Variants in TESK2 observed in about 807,000 individuals in gnomAD.
TESK2 encodes the protein dual specificity testis-specific protein kinase 2.
Under a neutral mutation model 57.1 loss-of-function variants are expected in TESK2, and 39 were observed. That is an observed-to-expected ratio of 0.68 (90% CI 0.53 to 0.89). The LOEUF (loss-of-function observed/expected upper bound fraction) is 0.89. Ranked by LOEUF, TESK2 falls within the 40% of genes least tolerant of loss-of-function variation. The pLI, the probability that TESK2 is intolerant of heterozygous loss-of-function variation, is 0.00. For synonymous variants in TESK2, 249 were observed against 267.9 expected, an observed-to-expected ratio of 0.93 and a Z score of 0.69; for missense variants, 646 against 732.1, an observed-to-expected ratio of 0.88 and a Z score of 1.36.
Position 45,457,754 on chromosome 1 carries a change from C to T in TESK2, c.32G>A (p.Gly11Glu), listed in dbSNP as rs1428512439. Residue 11 changes from glycine (G) to glutamate (E), a missense_variant, in exon 2 of 11, where the codon GGA becomes GAA. Gly to Glu is a moderately conservative substitution (Grantham distance 98, BLOSUM62 -2). Transcript: ENST00000372086. MDRSKRNSIA[G>E]FPPRVERLEE... ...AAGACGCTCCACACGTGGAGGAAAT[C>T]CTGCAATTGAATTCCGTTTGCTCCG... The T allele has an allele frequency of 6.2e-7, 1 of 1,614,156 alleles. No individual in the cohort carries two copies. The highest frequency in any genetic ancestry group is 2.2e-5 in the East Asian group (1 of 44,882).
intron 3 of TESK2, among the ~76,000 whole-genome samples, chr1:45,387,573 T>C (rs1410201755): frequency 6.6e-6 from 1 of 152,040 alleles, no homozygotes; most frequent in East Asian, 1.9e-4. Flanking sequence ...GAAGACAGGG[T>C]CCATGTCATA....
intron 2 of TESK2, among the ~76,000 whole-genome samples, chr1:45,422,780 T>G (rs7365791): frequency 0.051 from 521 of 10,186 alleles, 7 homozygotes; most frequent in South Asian, 0.098. Flanking sequence ...TGTTGTTGTT[T>G]TTGTTTTGAG....
At chr1:45,443,886 T>C (rs1253073476) in intron 2 of TESK2, among the ~76,000 whole-genome samples, 1 of 152,118 alleles carries the variant, frequency 6.6e-6, no homozygotes, top group Non-Finnish European at 1.5e-5. Flanking sequence ...GTAAATATCT[T>C]AGGCTTTGAA....
At chr1:45,374,445 C>T (rs1557547916) in intron 4 of TESK2, among the ~76,000 whole-genome samples, 1 of 151,882 alleles carries the variant, frequency 6.6e-6, no homozygotes, top group Non-Finnish European at 1.5e-5. Flanking sequence ...GATTTGTCAT[C>T]TGTAAAATGG....
chr1:45,389,340 G>A (rs1649043791), intron 3 of TESK2, among the ~76,000 whole-genome samples: 1 of 152,142 alleles, frequency 6.6e-6, no homozygotes, highest in Non-Finnish European at 1.5e-5. Context: ...TTGAGCCCAG[G>A]AAGTTGAGGC....
chr1:45,429,892 T>C (rs1650879035), intron 2 of TESK2, among the ~76,000 whole-genome samples: 1 of 152,192 alleles, frequency 6.6e-6, no homozygotes, highest in Non-Finnish European at 1.5e-5. Flanking sequence ...TATAAGAACT[T>C]TGAAAGGGCT....
At chr1:45,482,600 TAAA>T (rs34879699) in intron 1 of TESK2, among the ~76,000 whole-genome samples, 106 of 137,286 alleles carry the variant, frequency 7.7e-4, no homozygotes, top group Admixed American at 8.2e-4. Flanking sequence ...GGTCAGCCAT[TAAA>T]AAAAAAAAAA....
chr1:45,481,402 G>C (rs1416809279), intron 1 of TESK2, among the ~76,000 whole-genome samples: 2 of 152,012 alleles, frequency 1.3e-5, no homozygotes, highest in African/African-American at 4.8e-5. Flanking sequence ...GGGAAGTGCA[G>C]AACAGTGGGG....
intron 4 of TESK2, among the ~76,000 whole-genome samples, chr1:45,369,119 C>A (rs900703394): frequency 6.6e-6 from 1 of 152,126 alleles, no homozygotes; most frequent in Non-Finnish European, 1.5e-5. Context: ...GATTTGTATC[C>A]AAGCCTTGTG....
At chr1:45,367,535 G>C (rs546482602) in intron 4 of TESK2, among the ~76,000 whole-genome samples, 1 of 151,226 alleles carries the variant, frequency 6.6e-6, no homozygotes, top group East Asian at 2.0e-4. Context: ...TTTTAGTAGA[G>C]ATAGGGTTTC....
intron 3 of TESK2, among the ~76,000 whole-genome samples, chr1:45,418,181 T>C (rs538532208): frequency 2.6e-5 from 4 of 152,252 alleles, no homozygotes; most frequent in Non-Finnish European, 5.9e-5. Flanking sequence ...ATGTTTGCAT[T>C]GCAATTATGT....
chr1:45,346,824 C>T, intron 8 of TESK2, 45 bp from the exon 9 acceptor site: 1 of 1,579,178 alleles, frequency 6.3e-7, no homozygotes, highest in Non-Finnish European at 8.7e-7. Context: ...TCATTAATCC[C>T]CCCACCCATC....
chr1:45,450,378 G>A (rs1299314173), intron 2 of TESK2, among the ~76,000 whole-genome samples: 1 of 152,096 alleles, frequency 6.6e-6, no homozygotes, highest in Non-Finnish European at 1.5e-5. Flanking sequence ...TGGGCGTGGT[G>A]GCATGAGCCT....
chr1:45,379,806 G>A (rs974948505), intron 4 of TESK2, among the ~76,000 whole-genome samples: 6 of 152,172 alleles, frequency 3.9e-5, no homozygotes, highest in African/African-American at 1.2e-4. Flanking sequence ...GAATCACCTC[G>A]ACTAGGCCAA....
chr1:45,371,395 T>C (rs892443808), intron 4 of TESK2, among the ~76,000 whole-genome samples: 2 of 152,156 alleles, frequency 1.3e-5, no homozygotes, highest in African/African-American at 4.8e-5. Context: ...AAGTATGGTA[T>C]ATACATACAA....
Position 45,391,048 on chromosome 1 carries a change from G to C in TESK2, c.345-5088C>G, listed in dbSNP as rs111301015. Among the ~76,000 whole-genome samples, 98 of 151,708 alleles carry C rather than the reference G, an allele frequency of 6.5e-4. No homozygotes were observed. In the East Asian group the frequency reaches 0.014, roughly 21 times the overall value. ...TTCTCCTGCCCCAGCCTCCCGAGTA[G>C]CTGGAACTATAGGCGCATGCCACCA... On this transcript the variant is annotated intron_variant, in intron 3 of 10. Coordinates refer to ENST00000372086, the MANE Select transcript of TESK2 (RefSeq NM_007170.3).
Position 45,345,845 on chromosome 1 carries a change from G to T in TESK2, c.997+32C>A, listed in dbSNP as rs753002813. 8.9e-6 allele frequency: 14 copies of T among 1,568,136 alleles called. No individual in the cohort carries two copies. In the South Asian group the frequency reaches 1.4e-4, roughly 16 times the overall value. ...CCACATCCGAATTTCCTCCCTTAGG[G>T]TTAGGTTGGGCTCCCTGGTCTAATC... On this transcript the variant is annotated intron_variant, in intron 10 of 10. Coordinates refer to ENST00000372086, the MANE Select transcript of TESK2 (RefSeq NM_007170.3).
chr1:45,368,600 C>T (rs544377094), intron 4 of TESK2, among the ~76,000 whole-genome samples: 1 of 151,974 alleles, frequency 6.6e-6, no homozygotes, highest in Admixed American at 6.6e-5. Flanking sequence ...GTCTCGAACT[C>T]CTGACCTCAG....
chr1:45,415,121 A>C (rs1650187956), intron 3 of TESK2: 1 of 1,475,630 alleles, frequency 6.8e-7, no homozygotes, highest in South Asian at 1.1e-5. Flanking sequence ...CAAAGACAAC[A>C]GAAAACTTTT....
Sources: allele counts gnomAD v4.1 joint callset (sites outside exome capture counted in the v4.1 genomes callset), GRCh38; gene constraint gnomAD v4.1.1; transcripts MANE v1.5; gene names NCBI Gene and HGNC (gene_info 2026-07-23, HGNC 2026-07-21).